MACROD2: variants seen among roughly 807,000 people sequenced by gnomAD.
The protein encoded by MACROD2 is mono-ADP ribosylhydrolase 2.
MACROD2 carries 36 observed loss-of-function variants against 70.4 expected under a neutral mutation model. The observed-to-expected ratio is 0.51, with a 90% CI of 0.39 to 0.68. The LOEUF (loss-of-function observed/expected upper bound fraction) is 0.68, where lower values mean the gene tolerates loss of function less well. Among genes scored for constraint, MACROD2 ranks in the 30% least tolerant of loss-of-function variants. MACROD2 has a pLI of 0.00. For synonymous variants in MACROD2, 172 were observed against 178.8 expected (o/e 0.96, Z 0.30); for missense variants, 496 against 538.4 (o/e 0.92, Z 0.78).
chr20:14,671,054 GAA>G (rs913323481), intron 4 of MACROD2, among the ~76,000 whole-genome samples: 5 of 152,124 alleles, frequency 3.3e-5, no homozygotes, highest in Non-Finnish European at 7.3e-5. Context: ...TTTCATCTTT[GAA>G]AGAGATGCTG....
At chr20:14,661,313 GT>G (rs1229042536) in intron 4 of MACROD2, among the ~76,000 whole-genome samples, 1 of 151,922 alleles carries the variant, frequency 6.6e-6, no homozygotes, top group Non-Finnish European at 1.5e-5. Flanking sequence ...GATTTTGAGC[GT>G]TTTTTCATAT....
chr20:14,356,330 G>A (rs2083171504), intron 3 of MACROD2, among the ~76,000 whole-genome samples: 1 of 151,872 alleles, frequency 6.6e-6, no homozygotes, highest in Non-Finnish European at 1.5e-5. Context: ...CTTACTATTA[G>A]TGGTTTAATC....
intron 8 of MACROD2, among the ~76,000 whole-genome samples, chr20:15,573,882 C>T (rs2048409370): frequency 6.6e-6 from 1 of 152,118 alleles, no homozygotes; most frequent in Admixed American, 6.6e-5. Context: ...CACTCTCCCA[C>T]CTGATTCTTA....
rs577956398 is a variant in MACROD2, at chr20:15,748,554, T to C, written c.646-114191T>C. On this transcript the variant is annotated intron_variant, in intron 8 of 17. Transcript: ENST00000684519. ...TGAAGCTTCAAAAGGAAGTGTTTCT[T>C]ATAAGACTCCCACCTTGGGTAGGCC... Among the ~76,000 whole-genome samples, 7 of 152,226 alleles carry C rather than the reference T, an allele frequency of 4.6e-5. 1 individual carries two copies. The highest frequency in any genetic ancestry group is 1.7e-4 in the African/African-American group (7 of 41,560).
At chr20:15,102,462 A>C (rs2075880225) in intron 5 of MACROD2, among the ~76,000 whole-genome samples, 1 of 152,044 alleles carries the variant, frequency 6.6e-6, no homozygotes, top group Non-Finnish European at 1.5e-5. Context: ...TATATATAGT[A>C]GTAGTGTTTC....
chr20:13,996,581 G>A (rs1422643070), intron 1 of MACROD2: 2 of 152,032 alleles, frequency 1.3e-5, no homozygotes, highest in South Asian at 2.1e-4. Context: ...TGCGTATAAG[G>A]TTTATCTAAA....
At chr20:14,638,680 G>C (rs1272015870) in intron 4 of MACROD2, among the ~76,000 whole-genome samples, 2 of 152,152 alleles carry the variant, frequency 1.3e-5, no homozygotes, top group Non-Finnish European at 2.9e-5. Flanking sequence ...GCTGGGTGTG[G>C]TGGCTCACAC....
chr20:14,926,294 A>C (rs1188273360), intron 5 of MACROD2, among the ~76,000 whole-genome samples: 3 of 152,230 alleles, frequency 2.0e-5, no homozygotes, highest in Admixed American at 2.0e-4. Flanking sequence ...TCACACCTGT[A>C]ATCCCAGCAC....
At chr20:15,755,706 G>A (rs143237647) in intron 8 of MACROD2, among the ~76,000 whole-genome samples, 5 of 152,248 alleles carry the variant, frequency 3.3e-5, no homozygotes, top group African/African-American at 1.2e-4. Context: ...TGATTATCAT[G>A]TACCCAACAT....
At chr20:15,597,826 C>T (rs2048766022) in intron 8 of MACROD2, among the ~76,000 whole-genome samples, 1 of 152,192 alleles carries the variant, frequency 6.6e-6, no homozygotes, top group South Asian at 2.1e-4. Flanking sequence ...CGCCTGTAGT[C>T]CCAGCACTCT....
chr20:15,259,193 A>T (rs1555798170), intron 6 of MACROD2, among the ~76,000 whole-genome samples: 4 of 151,974 alleles, frequency 2.6e-5, no homozygotes, highest in Non-Finnish European at 1.5e-5. Context: ...AACAACAACA[A>T]CAACAACAAA....
intron 8 of MACROD2, among the ~76,000 whole-genome samples, chr20:15,853,347 G>A (rs906626648): frequency 3.3e-4 from 50 of 152,282 alleles, no homozygotes; most frequent in African/African-American, 1.1e-3. Context: ...TGATCTTTCA[G>A]ATTCCTAAGT....
intron 6 of MACROD2, among the ~76,000 whole-genome samples, chr20:15,324,255 A>G (rs1223416931): frequency 6.6e-6 from 1 of 152,126 alleles, no homozygotes; most frequent in East Asian, 1.9e-4. Context: ...ATACTCTGAC[A>G]TCTCATGAAA....
intron 3 of MACROD2, among the ~76,000 whole-genome samples, chr20:14,284,746 C>T (rs1157451889): frequency 1.3e-5 from 2 of 152,068 alleles, no homozygotes; most frequent in African/African-American, 2.4e-5. Flanking sequence ...TCTATGAGTG[C>T]CCCCCATTTA....
intron 6 of MACROD2, among the ~76,000 whole-genome samples, chr20:15,315,836 G>A (rs1372680004): frequency 2.6e-5 from 4 of 152,162 alleles, no homozygotes; most frequent in East Asian, 1.9e-4. Flanking sequence ...TTTCTTATAT[G>A]ATTTAAAAGG....
intron 8 of MACROD2, among the ~76,000 whole-genome samples, chr20:15,681,460 A>C (rs886927388): frequency 1.3e-5 from 2 of 152,200 alleles, no homozygotes; most frequent in Non-Finnish European, 2.9e-5. Context: ...TAGGCCTGAC[A>C]TTGTAGCTCT....
At chr20:15,601,237 C>A (rs186624752) in intron 8 of MACROD2, among the ~76,000 whole-genome samples, 1 of 152,134 alleles carries the variant, frequency 6.6e-6, no homozygotes, top group Non-Finnish European at 1.5e-5. Flanking sequence ...ATTGGACTGT[C>A]CAAGTGGTAT....
At chr20:14,074,238 C>T (rs978121686) in intron 2 of MACROD2, among the ~76,000 whole-genome samples, 2 of 152,166 alleles carry the variant, frequency 1.3e-5, no homozygotes, top group East Asian at 1.9e-4. Flanking sequence ...GTCTCTTTTC[C>T]TCTATTGTAA....
intron 10 of MACROD2, among the ~76,000 whole-genome samples, chr20:15,903,274 G>T (rs1323803092): frequency 6.6e-6 from 1 of 152,148 alleles, no homozygotes; most frequent in African/African-American, 2.4e-5. Flanking sequence ...CCCGGGAGAC[G>T]GAGGTTGCAG....
Sources: allele counts gnomAD v4.1 joint callset (sites outside exome capture counted in the v4.1 genomes callset), GRCh38; gene constraint gnomAD v4.1.1; transcripts MANE v1.5; gene names NCBI Gene and HGNC (gene_info 2026-07-23, HGNC 2026-07-21).